The following MYBPC1 variants were observed in gnomAD, a reference collection of about 807,000 sequenced individuals.
The protein encoded by MYBPC1 is myosin binding protein C1.
A neutral mutation model predicts 147.1 loss-of-function variants in MYBPC1; 52 were observed. That is an observed-to-expected ratio of 0.35 (90% CI 0.28 to 0.45). The LOEUF is 0.45. Among genes scored for constraint, MYBPC1 ranks in the 20% least tolerant of loss-of-function variants. The pLI, the probability that MYBPC1 is intolerant of heterozygous loss-of-function variation, is 1.00. For synonymous variants in MYBPC1, 477 were observed against 475.9 expected, an observed-to-expected ratio of 1.00 and a Z score of -0.03; for missense variants, 1,228 against 1,440.3, an observed-to-expected ratio of 0.85 and a Z score of 2.39.
chr12:101,627,723 C>T, intron 4 of MYBPC1, 46 bp from the exon 5 acceptor site: 1 of 1,603,494 alleles, frequency 6.2e-7, no homozygotes, highest in Non-Finnish European at 8.5e-7. Context: ...CCATTTTCAT[C>T]CCCTTTCCAC....
intron 1 of MYBPC1, among the ~76,000 whole-genome samples, chr12:101,598,841 T>C (rs1565869607): frequency 6.6e-6 from 1 of 152,032 alleles, no homozygotes; most frequent in Non-Finnish European, 1.5e-5. Flanking sequence ...CTCTGTCTTC[T>C]AAAGTGCTGA....
At chr12:101,634,054 G>A (rs1890507234) in intron 8 of MYBPC1, among the ~76,000 whole-genome samples, 1 of 151,972 alleles carries the variant, frequency 6.6e-6, no homozygotes, top group Non-Finnish European at 1.5e-5. Flanking sequence ...CCGCCACCAC[G>A]GCCGGCTAAT....
chr12:101,607,276 T>A (rs1474915441), intron 1 of MYBPC1, among the ~76,000 whole-genome samples: 1 of 152,142 alleles, frequency 6.6e-6, no homozygotes, highest in African/African-American at 2.4e-5. Flanking sequence ...GACCCCACCA[T>A]CAAGAGGGGA....
At chr12:101,642,721 C>G in intron 11 of MYBPC1, 136 bp downstream of exon 11, 1 of 913,468 alleles carries the variant, frequency 1.1e-6, no homozygotes. Context: ...GCAGGGGTTA[C>G]GCTTGTCTAG....
rs1266167913 is a variant in MYBPC1, at chr12:101,648,064, C to T, written c.1110C>T (p.Thr370=). 1.2e-6 allele frequency: 2 copies of T among 1,612,332 alleles called. No homozygotes were observed. The highest frequency in any genetic ancestry group is 1.7e-6 in the Non-Finnish European group (2 of 1,178,622). ...LFVREPPIMV[T]KQLEDTTAYC... is the part of the protein sequence containing the mutation. The stretch of plus-strand genomic sequence containing the variant: ...TACTAGAGCCTCCAATTATGGTGAC[C>T]AAACAGCTGGAAGATACAACTGCTT... Residue 370 remains threonine, a synonymous_variant, in exon 14 of 32, where the codon ACC becomes ACT. Coordinates refer to ENST00000361466, the MANE Select transcript of MYBPC1 (RefSeq NM_002465.4).
At chr12:101,624,770 C>T (rs940841358) in intron 3 of MYBPC1, among the ~76,000 whole-genome samples, 14 of 131,476 alleles carry the variant, frequency 1.1e-4, no homozygotes, top group Admixed American at 1.7e-4. Flanking sequence ...ATTTTAAGTA[C>T]GAAGATTTTA....
chr12:101,642,375 G>A, intron 10 of MYBPC1, 44 bp from the exon 11 acceptor site: 1 of 1,605,232 alleles, frequency 6.2e-7, no homozygotes, highest in Non-Finnish European at 8.5e-7. Flanking sequence ...GGTCTCTAAG[G>A]GTCAGTGCAG....
At chr12:101,623,015 T>A (rs1887786737) in intron 3 of MYBPC1, among the ~76,000 whole-genome samples, 1 of 152,166 alleles carries the variant, frequency 6.6e-6, no homozygotes, top group Non-Finnish European at 1.5e-5. Context: ...ACTTTGAAAC[T>A]ACTCACCTAT....
At position 101,627,803 on chromosome 12, in the gene MYBPC1, A is replaced by G. The variant is rs200051046; in HGVS notation, c.177A>G (p.Ser59=). ...GTCGGGCCCTGGAGAGAAAAGATTCAGGTGAGCGCAAGCCCAGAGAAGGCA... is the reference window on the plus strand; with the variant it reads ...GTCGGGCCCTGGAGAGAAAAGATTCGGGTGAGCGCAAGCCCAGAGAAGGCA... ...LGSRALERKD[S]DWTLVETPPG... Residue 59 remains serine, a splice_region_variant and synonymous_variant, in exon 5 of 32, where the codon TCA becomes TCG. Transcript: ENST00000361466. 109 of 1,613,546 alleles carry G rather than the reference A, an allele frequency of 6.8e-5. No homozygotes were observed. The highest frequency in any genetic ancestry group is 8.2e-5 in the Non-Finnish European group (97 of 1,179,660).
intron 3 of MYBPC1, among the ~76,000 whole-genome samples, chr12:101,621,931 T>G (rs1015983874): frequency 6.1e-4 from 93 of 152,354 alleles, no homozygotes; most frequent in Middle Eastern, 3.4e-3. Context: ...TCTGGGAACT[T>G]CAGTTGTTTA....
At chr12:101,691,420 T>C in the MYBPC1 span, among the ~76,000 whole-genome samples, 3 of 152,194 alleles carry the variant, frequency 2.0e-5, no homozygotes, top group Non-Finnish European at 4.4e-5. Flanking sequence ...TCCAAACCAA[T>C]GAAAGTCCAT....
intron 16 of MYBPC1, among the ~76,000 whole-genome samples, chr12:101,652,382 C>A (rs555211532): frequency 1.3e-5 from 2 of 152,126 alleles, no homozygotes; most frequent in South Asian, 2.1e-4. Context: ...TCTATTTTAG[C>A]CTTTTTAAAG....
chr12:101,619,781 A>C (rs1422901802), intron 3 of MYBPC1, among the ~76,000 whole-genome samples: 2 of 152,218 alleles, frequency 1.3e-5, no homozygotes. Context: ...TGGTTGACAT[A>C]TATTCAATTA....
intron 10 of MYBPC1, among the ~76,000 whole-genome samples, chr12:101,637,928 CA>C (rs1891320339): frequency 6.6e-6 from 1 of 152,124 alleles, no homozygotes; most frequent in Non-Finnish European, 1.5e-5. Context: ...ATTAATTCCC[CA>C]AATGCATTTA....
chr12:101,642,755 G>T (rs551218125), intron 11 of MYBPC1, among the ~76,000 whole-genome samples, 170 bp downstream of exon 11: 9 of 152,270 alleles, frequency 5.9e-5, no homozygotes, highest in African/African-American at 2.2e-4. Flanking sequence ...GAAGGTTCAA[G>T]GTAACAGGAG....
chr12:101,602,744 C>G (rs541497941), intron 1 of MYBPC1, among the ~76,000 whole-genome samples: 9 of 152,248 alleles, frequency 5.9e-5, no homozygotes, highest in Admixed American at 4.6e-4. Context: ...TAGTCATAAC[C>G]ATCATTCCCA....
intron 1 of MYBPC1, among the ~76,000 whole-genome samples, chr12:101,611,405 G>T (rs1224723771): frequency 2.0e-5 from 3 of 151,502 alleles, no homozygotes; most frequent in Non-Finnish European, 2.9e-5. Context: ...TGCCCAAGAT[G>T]ATTCTCTTTT....
intron 23 of MYBPC1, among the ~76,000 whole-genome samples, chr12:101,668,757 G>A (rs75147317): frequency 0.041 from 6,282 of 152,110 alleles, 336 homozygotes; most frequent in East Asian, 0.24. Context: ...GAGCCACCAC[G>A]CCTGGCCCTT....
chr12:101,678,086 A>G lies in MYBPC1; in HGVS notation c.3110-16A>G. 1 of 1,608,988 alleles carries G rather than the reference A, an allele frequency of 6.2e-7. No homozygotes were observed. The highest frequency in any genetic ancestry group is 1.3e-5 in the African/African-American group (1 of 74,930). On this transcript the variant is annotated splice_polypyrimidine_tract_variant and intron_variant, in intron 27 of 31. Coordinates refer to ENST00000361466, the MANE Select transcript of MYBPC1 (RefSeq NM_002465.4). ...ATTTACATAATTTTAACATATTTGT[A>G]ATGCTTGTTTTTAAGGTAAAATCTA... is the stretch of plus-strand genomic sequence containing the variant.
Sources: allele counts gnomAD v4.1 joint callset (sites outside exome capture counted in the v4.1 genomes callset), GRCh38; gene constraint gnomAD v4.1.1; transcripts MANE v1.5; gene names NCBI Gene and HGNC (gene_info 2026-07-23, HGNC 2026-07-21).